Variants in NUMB observed in about 807,000 individuals in gnomAD.
NUMB encodes the protein NUMB endocytic adaptor protein.
In NUMB, 29 loss-of-function variants were observed where a neutral mutation model predicts 59.7. That is an observed-to-expected ratio of 0.49 (90% CI 0.36 to 0.66). The LOEUF (loss-of-function observed/expected upper bound fraction) is 0.66, where lower values mean the gene tolerates loss of function less well. NUMB is among the 30% of genes least tolerant of loss of function. NUMB has a pLI of 0.00. For missense variants in NUMB, 723 were observed against 822.0 expected, an observed-to-expected ratio of 0.88 and a Z score of 1.47; for synonymous variants, 288 against 288.2, an observed-to-expected ratio of 1.00 and a Z score of 0.01.
intron 6 of NUMB, among the ~76,000 whole-genome samples, chr14:73,301,149 G>GA (rs1203933094): frequency 5.3e-5 from 8 of 152,182 alleles, no homozygotes; most frequent in Non-Finnish European, 1.0e-4. Context: ...TTTGTTGAAA[G>GA]AAAAAATACG....
intron 2 of NUMB, among the ~76,000 whole-genome samples, chr14:73,377,133 G>A (rs1321113771): frequency 6.6e-6 from 1 of 152,116 alleles, no homozygotes; most frequent in Non-Finnish European, 1.5e-5. Context: ...TAAAGCTCCT[G>A]GAAGATAACA....
In NUMB at chr14:73,350,078, TAC is replaced by T. The variant is rs71112732; in HGVS notation, c.126+5546_126+5547del. On this transcript the variant is annotated intron_variant, in intron 4 of 12. Coordinates refer to ENST00000555238, the MANE Select transcript of NUMB (RefSeq NM_001005743.2). ...ATACATATATACATACATACATACA[TAC>T]ACACACACACACACACACACACACA... Among the ~76,000 whole-genome samples the T allele has an allele frequency of 6.4e-3, 884 of 137,630 alleles. 5 individuals are homozygous for T. The highest frequency in any genetic ancestry group is 0.026 in the Middle Eastern group (7 of 272). 90.3% of individuals were successfully genotyped at this position (137,630 alleles called of 152,430 possible).
chr14:73,327,288 C>A (rs867427471), intron 4 of NUMB, among the ~76,000 whole-genome samples: 16 of 152,258 alleles, frequency 1.1e-4, no homozygotes, highest in African/African-American at 3.1e-4. Context: ...GACACAGCCT[C>A]ACTCTGTCGC....
intron 1 of NUMB, among the ~76,000 whole-genome samples, chr14:73,419,496 G>C (rs754737508): frequency 6.6e-6 from 1 of 152,100 alleles, no homozygotes; most frequent in Non-Finnish European, 1.5e-5. Flanking sequence ...GCGACAGAGC[G>C]AGACTCCATC....
chr14:73,368,121 G>T (rs1397299076), intron 2 of NUMB, among the ~76,000 whole-genome samples: 1 of 152,088 alleles, frequency 6.6e-6, no homozygotes, highest in Non-Finnish European at 1.5e-5. Context: ...TGGCTGGCAA[G>T]AGGGTAAATA....
At chr14:73,293,209 T>G (rs1359555915) in intron 7 of NUMB, among the ~76,000 whole-genome samples, 1 of 152,164 alleles carries the variant, frequency 6.6e-6, no homozygotes, top group African/African-American at 2.4e-5. Flanking sequence ...CCTTTGGGTT[T>G]ATTCCCAAAT....
intron 1 of NUMB, among the ~76,000 whole-genome samples, chr14:73,431,883 T>C (rs1399279791): frequency 6.6e-6 from 1 of 151,662 alleles, no homozygotes; most frequent in Non-Finnish European, 1.5e-5. Flanking sequence ...CCAAAGGGAG[T>C]AAGAAATAAG....
chr14:73,338,173 A>G (rs1043796078), intron 4 of NUMB, among the ~76,000 whole-genome samples: 2 of 152,032 alleles, frequency 1.3e-5, no homozygotes, highest in Non-Finnish European at 2.9e-5. Context: ...TGTAGTCCCA[A>G]CTAGTCAGGA....
At chr14:73,442,191 G>GA (rs1445366060) in intron 1 of NUMB, among the ~76,000 whole-genome samples, 91 of 121,268 alleles carry the variant, frequency 7.5e-4, no homozygotes, top group African/African-American at 2.2e-3. Context: ...GTCTCTGTAA[G>GA]AAAAAAAAAA....
intron 2 of NUMB, among the ~76,000 whole-genome samples, chr14:73,368,363 G>A (rs1246407122): frequency 1.3e-5 from 2 of 152,092 alleles, no homozygotes; most frequent in African/African-American, 4.8e-5. Flanking sequence ...GATCGCCTGA[G>A]GTCAGGAGTT....
chr14:73,283,387 A>T (rs1218369905), intron 10 of NUMB, among the ~76,000 whole-genome samples: 1 of 151,852 alleles, frequency 6.6e-6, no homozygotes, highest in East Asian at 2.0e-4. Flanking sequence ...ATTTTGTTAT[A>T]GCAATGGCTT....
At chr14:73,355,364 C>T (rs1301626176) in intron 4 of NUMB, among the ~76,000 whole-genome samples, 1 of 152,074 alleles carries the variant, frequency 6.6e-6, no homozygotes. Flanking sequence ...GATTAGTATT[C>T]TTATCAGAAT....
At chr14:73,389,030 C>T (rs1466920686) in intron 2 of NUMB, among the ~76,000 whole-genome samples, 2 of 146,462 alleles carry the variant, frequency 1.4e-5, no homozygotes, top group East Asian at 4.1e-4. Context: ...GCCCGGGAGG[C>T]GGAGCTTGCA....
intron 2 of NUMB, among the ~76,000 whole-genome samples, chr14:73,408,117 C>G (rs899581605): frequency 6.6e-6 from 1 of 151,996 alleles, no homozygotes; most frequent in Non-Finnish European, 1.5e-5. Context: ...GTCCCAGCTA[C>G]TCGGGAGGCT....
At chr14:73,353,853 G>C (rs1302754817) in intron 4 of NUMB, among the ~76,000 whole-genome samples, 1 of 151,870 alleles carries the variant, frequency 6.6e-6, no homozygotes, top group Non-Finnish European at 1.5e-5. Flanking sequence ...TAAGCCAACT[G>C]TATGGTGGGG....
Position 73,381,716 on chromosome 14 carries a change from A to G in NUMB, c.-100-14735T>C, listed in dbSNP as rs769285009. 3.3e-4 allele frequency among the ~76,000 whole-genome samples: 50 copies of G among 152,226 alleles called. 1 individual carries two copies. The highest frequency in any genetic ancestry group is 1.2e-3 in the Admixed American group (19 of 15,278). On this transcript the variant is annotated intron_variant, in intron 2 of 12. Coordinates refer to ENST00000555238, the MANE Select transcript of NUMB (RefSeq NM_001005743.2). ...AAGAATATAAGCTGCATGAAGGCAG[A>G]ATCCTCATATGTTTGCCTTACTGCA...
intron 6 of NUMB, 40 bp from the exon 7 acceptor site, chr14:73,297,325 T>C (rs776801332): frequency 1.7e-6 from 2 of 1,151,798 alleles, no homozygotes; most frequent in South Asian, 2.6e-5. Flanking sequence ...GAGATACACA[T>C]ATATAATATT....
intron 6 of NUMB, among the ~76,000 whole-genome samples, chr14:73,306,950 A>C (rs996708756): frequency 6.6e-6 from 1 of 152,182 alleles, no homozygotes; most frequent in African/African-American, 2.4e-5. Flanking sequence ...CTTACATTTC[A>C]GTGAGGAAGA....
At chr14:73,402,021 T>A (rs1363870627) in intron 2 of NUMB, among the ~76,000 whole-genome samples, 1 of 152,090 alleles carries the variant, frequency 6.6e-6, no homozygotes, top group African/African-American at 2.4e-5. Flanking sequence ...CACCACCATG[T>A]CCAGCTAATT....
Sources: gnomAD v4.1 joint callset for allele counts (sites outside exome capture counted in the v4.1 genomes callset) on GRCh38, gnomAD v4.1.1 for gene constraint, MANE v1.5 for transcripts, NCBI Gene and HGNC (gene_info 2026-07-23, HGNC 2026-07-21) for gene names.